ZFHX3: variants seen among roughly 807,000 people sequenced by gnomAD.
ZFHX3 encodes zinc finger homeobox 3.
A neutral mutation model predicts 279.1 loss-of-function variants in ZFHX3; 42 were observed. The ratio of observed to expected loss-of-function variants is 0.15; its 90% CI spans 0.12 to 0.19. The LOEUF (loss-of-function observed/expected upper bound fraction) is 0.19, where lower values mean the gene tolerates loss of function less well. Among genes scored for constraint, ZFHX3 ranks in the 10% least tolerant of loss-of-function variants. The probability of loss-of-function intolerance (pLI) is 1.00; values close to 1 mark genes in which losing one functional copy is unlikely to be tolerated. For synonymous variants in ZFHX3, 2,293 were observed against 1,957.8 expected (o/e 1.17, Z -4.52); for missense variants, 4,981 against 4,754.0 (o/e 1.05, Z -1.40).
chr16:73,696,803 A>T (rs1438965879), intron 1 of ZFHX3, among the ~76,000 whole-genome samples: 1 of 152,100 alleles, frequency 6.6e-6, no homozygotes. Context: ...TGTGGCTTTC[A>T]TATCTTTAGT....
intron 1 of ZFHX3, among the ~76,000 whole-genome samples, chr16:73,738,688 C>A (rs1489118947): frequency 6.6e-6 from 1 of 152,106 alleles, no homozygotes; most frequent in African/African-American, 2.4e-5. Flanking sequence ...GTAGAACTCT[C>A]GTGAAGGTTG....
At chr16:73,787,138 G>A (rs1374451548) in intron 1 of ZFHX3, among the ~76,000 whole-genome samples, 1 of 152,162 alleles carries the variant, frequency 6.6e-6, no homozygotes. Context: ...AGAAACTCAT[G>A]TGTTCAAGCT....
At chr16:73,877,833 T>C (rs1042278040) in intron 1 of ZFHX3, among the ~76,000 whole-genome samples, 1 of 151,998 alleles carries the variant, frequency 6.6e-6, no homozygotes, top group Non-Finnish European at 1.5e-5. Flanking sequence ...CAGATTCTAT[T>C]AAAACACACA....
At chr16:73,243,866 A>G (rs1370279310) in intron 5 of ZFHX3, among the ~76,000 whole-genome samples, 2 of 152,192 alleles carry the variant, frequency 1.3e-5, no homozygotes, top group African/African-American at 4.8e-5. Flanking sequence ...ATTGATAATA[A>G]TAATAAATGT....
At chr16:73,206,693 C>T (rs1340699634) in intron 5 of ZFHX3, among the ~76,000 whole-genome samples, 2 of 152,082 alleles carry the variant, frequency 1.3e-5, no homozygotes, top group Admixed American at 6.6e-5. Context: ...GCCACCATCT[C>T]GATATACAAT....
At chr16:73,682,928 A>AAGAG (rs2053034544) in intron 1 of ZFHX3, among the ~76,000 whole-genome samples, 1 of 22,124 alleles carries the variant, frequency 4.5e-5, no homozygotes, top group South Asian at 2.0e-3. Context: ...GAGAAAGAGA[A>AAGAG]AGAAAGAAAG....
At chr16:73,302,220 C>T (rs2015072939) in intron 4 of ZFHX3, among the ~76,000 whole-genome samples, 1 of 151,936 alleles carries the variant, frequency 6.6e-6, no homozygotes, top group Non-Finnish European at 1.5e-5. Flanking sequence ...TCTCTCTTTC[C>T]TTTGTATCTT....
At chr16:73,521,097 G>A (rs761480335) in intron 2 of ZFHX3, among the ~76,000 whole-genome samples, 26 of 152,082 alleles carry the variant, frequency 1.7e-4, no homozygotes, top group Middle Eastern at 3.2e-3. Flanking sequence ...ATCTCAAATA[G>A]CCACCTGATT....
chr16:73,275,448 G>A (rs573521319), intron 4 of ZFHX3, among the ~76,000 whole-genome samples: 26 of 152,194 alleles, frequency 1.7e-4, no homozygotes, highest in Middle Eastern at 3.4e-3. Context: ...TCACATGGTC[G>A]TCTTTCACTA....
chr16:72,826,085 A>C (rs1387860885), intron 5 of ZFHX3, among the ~76,000 whole-genome samples: 2 of 152,188 alleles, frequency 1.3e-5, no homozygotes, highest in African/African-American at 4.8e-5. Flanking sequence ...CGCATGGGGT[A>C]GGGACTCAGC....
intron 3 of ZFHX3, among the ~76,000 whole-genome samples, chr16:73,428,473 T>C (rs919737365): frequency 8.5e-5 from 13 of 152,084 alleles, no homozygotes; most frequent in Admixed American, 7.2e-4. Flanking sequence ...CCCCCGACAG[T>C]GAGTTCACCT....
chr16:73,719,633 ATTTATTTT>A (rs891571506), intron 1 of ZFHX3, among the ~76,000 whole-genome samples: 7 of 152,000 alleles, frequency 4.6e-5, no homozygotes, highest in African/African-American at 9.7e-5. Flanking sequence ...TATTTCATTT[ATTTATTTT>A]TTTATTTTTT....
intron 3 of ZFHX3, among the ~76,000 whole-genome samples, chr16:73,431,229 T>G (rs2017904734): frequency 9.4e-6 from 1 of 106,512 alleles, no homozygotes; most frequent in Admixed American, 1.1e-4. Flanking sequence ...TATGGGAATC[T>G]GTTTTTTTGT....
At chr16:73,113,886 T>C (rs7187720) in intron 7 of ZFHX3, among the ~76,000 whole-genome samples, 122,082 of 149,300 alleles carry the variant, frequency 0.82, 50,202 homozygotes, top group Middle Eastern at 0.89. Context: ...GCTCCACCTC[T>C]TGGGTTCAAG....
intron 1 of ZFHX3, among the ~76,000 whole-genome samples, chr16:73,837,977 G>T (rs911798878): frequency 6.6e-5 from 10 of 152,194 alleles, no homozygotes; most frequent in Non-Finnish European, 1.5e-4. Context: ...TCTTAGCAAT[G>T]GTATAGGGAT....
intron 1 of ZFHX3, among the ~76,000 whole-genome samples, chr16:73,833,903 T>C (rs1961068046): frequency 1.3e-5 from 2 of 151,502 alleles, no homozygotes; most frequent in South Asian, 4.2e-4. Flanking sequence ...TGTATGTGTA[T>C]GTGTGTATAT....
At chr16:73,352,157 C>G (rs1187423528) in intron 3 of ZFHX3, among the ~76,000 whole-genome samples, 1 of 152,130 alleles carries the variant, frequency 6.6e-6, no homozygotes, top group Non-Finnish European at 1.5e-5. Context: ...TTATACACAG[C>G]CTTTTAGCTC....
At chr16:73,842,669 A>C (rs1319005477) in intron 1 of ZFHX3, among the ~76,000 whole-genome samples, 1 of 152,174 alleles carries the variant, frequency 6.6e-6, no homozygotes, top group African/African-American at 2.4e-5. Context: ...AGTTTAAATT[A>C]AAACAACAAC....
chr16:72,889,345 AC>A (rs1204745642), intron 4 of ZFHX3, among the ~76,000 whole-genome samples: 1 of 152,200 alleles, frequency 6.6e-6, no homozygotes, highest in Non-Finnish European at 1.5e-5. Context: ...GTCAATTTGA[AC>A]CAATAAATTG....
Sources: allele counts gnomAD v4.1 joint callset (sites outside exome capture counted in the v4.1 genomes callset), GRCh38; gene constraint gnomAD v4.1.1; transcripts MANE v1.5; gene names NCBI Gene and HGNC (gene_info 2026-07-23, HGNC 2026-07-21).